The following B3GALT1 variants were observed in gnomAD, a reference collection of about 807,000 sequenced individuals.
B3GALT1 encodes UDP-Gal:betaGlcNAc beta 1,3-galactosyltransferase, polypeptide 1.
B3GALT1 carries 10 observed loss-of-function variants against 23.2 expected under a neutral mutation model. The ratio of observed to expected loss-of-function variants is 0.43; its 90% CI spans 0.27 to 0.73. The LOEUF is 0.73. Among genes scored for constraint, B3GALT1 ranks in the 30% least tolerant of loss-of-function variants. The pLI is 0.21. For missense variants in B3GALT1, 299 were observed against 405.4 expected (o/e 0.74, Z 2.25); for synonymous variants, 156 against 141.5 (o/e 1.10, Z -0.73).
At chr2:167,341,308 A>C (rs1440720539) in intron 1 of B3GALT1, among the ~76,000 whole-genome samples, 1 of 152,196 alleles carries the variant, frequency 6.6e-6, no homozygotes, top group African/African-American at 2.4e-5. Flanking sequence ...AGTTTGATGC[A>C]CTTCAAATAT....
intron 4 of B3GALT1, among the ~76,000 whole-genome samples, chr2:167,859,196 T>G (rs1690054130): frequency 6.6e-6 from 1 of 152,178 alleles, no homozygotes; most frequent in Admixed American, 6.5e-5. Context: ...TTCTAGGCTC[T>G]AATGATTAAA....
At chr2:167,349,851 A>T (rs1358773764) in intron 1 of B3GALT1, among the ~76,000 whole-genome samples, 1 of 152,178 alleles carries the variant, frequency 6.6e-6, no homozygotes, top group Non-Finnish European at 1.5e-5. Flanking sequence ...TCTTCTCCCT[A>T]TAGGAATTTT....
chr2:167,714,831 C>T, intron 3 of B3GALT1: 2 of 1,611,208 alleles, frequency 1.2e-6, no homozygotes, highest in East Asian at 2.2e-5. Flanking sequence ...GAAAGCTTCT[C>T]TTATTCCTCT....
At chr2:167,548,708 GTGTGTGTGTA>G (rs1683692153) in intron 2 of B3GALT1, among the ~76,000 whole-genome samples, 1 of 151,514 alleles carries the variant, frequency 6.6e-6, no homozygotes, top group African/African-American at 2.4e-5. Context: ...GTGTGTGTGT[GTGTGTGTGTA>G]TGTGTGTGTC....
At chr2:167,523,080 C>T (rs1338048485) in intron 2 of B3GALT1, among the ~76,000 whole-genome samples, 1 of 152,160 alleles carries the variant, frequency 6.6e-6, no homozygotes, top group Non-Finnish European at 1.5e-5. Context: ...AAAGCATCTG[C>T]TGTCCCATAG....
intron 3 of B3GALT1, among the ~76,000 whole-genome samples, chr2:167,657,786 A>T (rs1413027794): frequency 6.6e-6 from 1 of 152,122 alleles, no homozygotes; most frequent in Non-Finnish European, 1.5e-5. Flanking sequence ...ATTTAAATTA[A>T]TGTGGTCTAT....
chr2:167,719,018 A>T (rs1005491726), intron 3 of B3GALT1, among the ~76,000 whole-genome samples: 32 of 152,196 alleles, frequency 2.1e-4, no homozygotes, highest in African/African-American at 7.5e-4. Flanking sequence ...AGTAGGAAAG[A>T]TGTTTGATTC....
chr2:167,746,451 A>G (rs375643171), intron 3 of B3GALT1, among the ~76,000 whole-genome samples: 41 of 152,354 alleles, frequency 2.7e-4, no homozygotes, highest in African/African-American at 9.4e-4. Context: ...CAGGGCATGC[A>G]TGACCTAACC....
At chr2:167,804,735 A>G (rs1574271153) in intron 3 of B3GALT1, among the ~76,000 whole-genome samples, 1 of 152,266 alleles carries the variant, frequency 6.6e-6, no homozygotes, top group East Asian at 1.9e-4. Flanking sequence ...ATTGTTGGAC[A>G]TTTGGCTTGG....
intron 3 of B3GALT1, among the ~76,000 whole-genome samples, chr2:167,762,275 T>C (rs1336745412): frequency 6.6e-6 from 1 of 152,156 alleles, no homozygotes; most frequent in Non-Finnish European, 1.5e-5. Flanking sequence ...ACAATACCAA[T>C]ACATACAAGA....
intron 3 of B3GALT1, among the ~76,000 whole-genome samples, chr2:167,662,941 T>C (rs892983902): frequency 1.3e-5 from 2 of 152,040 alleles, no homozygotes; most frequent in African/African-American, 4.8e-5. Flanking sequence ...CTTTCTTTTT[T>C]TTTATTGTAT....
At chr2:167,519,417 T>C (rs1700154854) in intron 2 of B3GALT1, among the ~76,000 whole-genome samples, 1 of 151,992 alleles carries the variant, frequency 6.6e-6, no homozygotes. Flanking sequence ...ACAATTAAAT[T>C]TAATTTAATT....
chr2:167,734,661 A>G (rs1687464309), intron 3 of B3GALT1, among the ~76,000 whole-genome samples: 1 of 152,052 alleles, frequency 6.6e-6, no homozygotes, highest in Non-Finnish European at 1.5e-5. Flanking sequence ...AGGACAGAGA[A>G]TAAATTATGA....
chr2:167,503,488 CAAAATA>C (rs1310677430), intron 2 of B3GALT1, among the ~76,000 whole-genome samples: 2 of 152,102 alleles, frequency 1.3e-5, no homozygotes, highest in Non-Finnish European at 2.9e-5. Flanking sequence ...GAAATAATGT[CAAAATA>C]AAGAAGCTTA....
chr2:167,332,012 G>GCTAT (rs557012544), intron 1 of B3GALT1, among the ~76,000 whole-genome samples: 109 of 152,280 alleles, frequency 7.2e-4, no homozygotes, highest in Middle Eastern at 3.4e-3. Context: ...TGAGGTGGGG[G>GCTAT]CTATGTTCGC....
At chr2:167,501,980 G>A (rs1474684630) in intron 2 of B3GALT1, among the ~76,000 whole-genome samples, 2 of 152,094 alleles carry the variant, frequency 1.3e-5, no homozygotes, top group East Asian at 3.8e-4. Flanking sequence ...TGAAATAACT[G>A]TAAATGAAGT....
chr2:167,789,513 A>G lies in B3GALT1; in HGVS notation c.-351-29159A>G, dbSNP rs570112573. On this transcript the variant is annotated intron_variant, in intron 3 of 4. Coordinates refer to ENST00000392690, the MANE Select transcript of B3GALT1 (RefSeq NM_020981.4). ...GCACACTCTATGGTTCATAAATTCT[A>G]GAGAACGGTGGATTCCAATATAATA... is the stretch of plus-strand genomic sequence containing the variant. Among the ~76,000 whole-genome samples the G allele has an allele frequency of 1.4e-3, 206 of 152,306 alleles. 1 individual carries two copies. The highest frequency in any genetic ancestry group is 2.4e-3 in the Non-Finnish European group (166 of 68,024).
chr2:167,714,259 A>G, intron 3 of B3GALT1: 1 of 1,502,236 alleles, frequency 6.7e-7, no homozygotes. Context: ...ACATCATCCT[A>G]CGGTCCTGTT....
chr2:167,729,063 G>T (rs1268049886), intron 3 of B3GALT1, among the ~76,000 whole-genome samples: 2 of 152,132 alleles, frequency 1.3e-5, no homozygotes, highest in African/African-American at 4.8e-5. Flanking sequence ...TTTGTTATAT[G>T]TGTTTCAGTA....
Sources: gnomAD v4.1 joint callset for allele counts (sites outside exome capture counted in the v4.1 genomes callset) on GRCh38, gnomAD v4.1.1 for gene constraint, MANE v1.5 for transcripts, NCBI Gene and HGNC (gene_info 2026-07-23, HGNC 2026-07-21) for gene names.